REC114: variants seen among roughly 807,000 people sequenced by gnomAD.
REC114 encodes REC114 meiotic recombination protein, also known as meiotic recombination protein REC114.
A neutral mutation model predicts 31.3 loss-of-function variants in REC114; 27 were observed. That is an observed-to-expected ratio of 0.86 (90% CI 0.64 to 1.19). REC114 has a LOEUF of 1.19. REC114 is among the 50% of genes most tolerant of loss of function. REC114 has a pLI of 0.00. For missense variants in REC114, 344 were observed against 326.9 expected (o/e 1.05, Z -0.40); for synonymous variants, 134 against 127.7 (o/e 1.05, Z -0.33).
At chr15:73,462,920 G>C (rs901447324) in intron 1 of REC114, among the ~76,000 whole-genome samples, 2 of 141,630 alleles carry the variant, frequency 1.4e-5, no homozygotes, top group Non-Finnish European at 3.0e-5. Flanking sequence ...ACCACTTACA[G>C]CTAGTCTAAT....
At chr15:73,468,501 G>T (rs1318054326) in intron 1 of REC114, among the ~76,000 whole-genome samples, 2 of 151,958 alleles carry the variant, frequency 1.3e-5, no homozygotes, top group African/African-American at 4.8e-5. Context: ...TGATCATGTT[G>T]TCTGTGAATA....
At position 73,552,041 on chromosome 15, in the gene REC114, C is replaced by T. The variant is rs540043001; in HGVS notation, c.546+891C>T. ...AGTGAATCAGTATTGTCCAGATGAC[C>T]GATGCCTGAATGCCACAAAATTATA... On this transcript the variant is annotated intron_variant, in intron 4 of 5. Transcript: ENST00000331090. Among the ~76,000 whole-genome samples, 5 of 152,174 alleles carry T rather than the reference C, an allele frequency of 3.3e-5. No homozygotes were observed. In the East Asian group the frequency reaches 7.7e-4, roughly 24 times the overall value.
chr15:73,542,472 G>A (rs752086862), intron 3 of REC114, among the ~76,000 whole-genome samples: 45 of 152,058 alleles, frequency 3.0e-4, no homozygotes, highest in Admixed American at 5.2e-4. Flanking sequence ...AATGGTTGCT[G>A]CAGCTCTACT....
intron 2 of REC114, among the ~76,000 whole-genome samples, chr15:73,507,288 T>C (rs1011234239): frequency 3.9e-5 from 6 of 152,326 alleles, no homozygotes; most frequent in South Asian, 4.1e-4. Context: ...TAGAACAAGA[T>C]TGTCCAACAT....
chr15:73,504,307 ATATTTT>A (rs1430402328), intron 2 of REC114, among the ~76,000 whole-genome samples: 2 of 152,002 alleles, frequency 1.3e-5, no homozygotes, highest in Non-Finnish European at 2.9e-5. Flanking sequence ...CCGGCCTGAA[ATATTTT>A]TATATTTCTT....
At chr15:73,513,746 T>C (rs1414971873) in intron 2 of REC114, among the ~76,000 whole-genome samples, 1 of 151,744 alleles carries the variant, frequency 6.6e-6, no homozygotes, top group Non-Finnish European at 1.5e-5. Flanking sequence ...TGCCTCCCAG[T>C]TAGGCTGCTC....
At chr15:73,481,197 C>T (rs1893289090) in intron 2 of REC114, among the ~76,000 whole-genome samples, 1 of 152,130 alleles carries the variant, frequency 6.6e-6, no homozygotes. Flanking sequence ...AACACGTCAA[C>T]ATGGTTTTGG....
At chr15:73,476,239 A>T (rs1032177003) in intron 2 of REC114, among the ~76,000 whole-genome samples, 2 of 152,210 alleles carry the variant, frequency 1.3e-5, no homozygotes, top group African/African-American at 4.8e-5. Context: ...TATTTTTAAA[A>T]ATCACTTTTA....
At chr15:73,446,630 ACT>A (rs1481442687) in intron 1 of REC114, among the ~76,000 whole-genome samples, 1 of 150,228 alleles carries the variant, frequency 6.7e-6, no homozygotes, top group African/African-American at 2.5e-5. Flanking sequence ...ACAGAGCAAG[ACT>A]CTGTCTCAAA....
At chr15:73,455,837 C>A (rs1892907735) in intron 1 of REC114, among the ~76,000 whole-genome samples, 1 of 152,086 alleles carries the variant, frequency 6.6e-6, no homozygotes, top group Non-Finnish European at 1.5e-5. Flanking sequence ...GTTAAAAATG[C>A]AAATTCTGAC....
At chr15:73,478,839 T>C (rs1310034038) in intron 2 of REC114, among the ~76,000 whole-genome samples, 1 of 152,198 alleles carries the variant, frequency 6.6e-6, no homozygotes. Flanking sequence ...GATTTTAAAA[T>C]TTCAATATCT....
chr15:73,535,549 T>A (rs1474571459), intron 2 of REC114, among the ~76,000 whole-genome samples: 4 of 149,284 alleles, frequency 2.7e-5, no homozygotes. Context: ...TGGAAGAACA[T>A]TCCATGCTCA....
intron 1 of REC114, among the ~76,000 whole-genome samples, chr15:73,454,026 G>A (rs1460134855): frequency 6.6e-6 from 1 of 152,024 alleles, no homozygotes; most frequent in Non-Finnish European, 1.5e-5. Context: ...TAGACCACAG[G>A]TTAATGGGTG....
chr15:73,482,357 C>G (rs908935846), intron 2 of REC114, among the ~76,000 whole-genome samples: 19 of 152,138 alleles, frequency 1.2e-4, no homozygotes, highest in African/African-American at 4.1e-4. Context: ...TAGTGAGGCA[C>G]TTCCCCCTTC....
At chr15:73,511,085 G>T (rs901541380) in intron 2 of REC114, among the ~76,000 whole-genome samples, 6 of 151,456 alleles carry the variant, frequency 4.0e-5, no homozygotes, top group African/African-American at 1.5e-4. Context: ...GACTCTTTTT[G>T]GTTGGTAAAC....
intron 2 of REC114, among the ~76,000 whole-genome samples, chr15:73,518,025 C>G (rs1243587585): frequency 1.3e-5 from 2 of 152,070 alleles, no homozygotes; most frequent in African/African-American, 4.8e-5. Flanking sequence ...TTGAATATTG[C>G]CGATGCTGAT....
chr15:73,488,732 G>T (rs1297832257), intron 2 of REC114, among the ~76,000 whole-genome samples: 1 of 152,128 alleles, frequency 6.6e-6, no homozygotes, highest in Admixed American at 6.5e-5. Flanking sequence ...CTACCACTTA[G>T]ATTATCTCTA....
chr15:73,474,409 A>G (rs547953655), intron 2 of REC114, among the ~76,000 whole-genome samples: 2 of 152,222 alleles, frequency 1.3e-5, no homozygotes, highest in Non-Finnish European at 2.9e-5. Context: ...ATGAAGAAAT[A>G]TGTAAAGAAA....
intron 5 of REC114, among the ~76,000 whole-genome samples, chr15:73,557,411 GTT>G (rs1237059367): frequency 8.4e-6 from 1 of 119,580 alleles, no homozygotes; most frequent in Non-Finnish European, 1.7e-5. Context: ...ACTATCAGTA[GTT>G]TAAAAAAAAA....
Sources: allele counts gnomAD v4.1 joint callset (sites outside exome capture counted in the v4.1 genomes callset), GRCh38; gene constraint gnomAD v4.1.1; transcripts MANE v1.5; gene names NCBI Gene and HGNC (gene_info 2026-07-23, HGNC 2026-07-21).